The following FAR2 variants were observed in gnomAD, a reference collection of about 807,000 sequenced individuals.
FAR2 encodes fatty acyl-CoA reductase 2.
In FAR2, 19 loss-of-function variants were observed where a neutral mutation model predicts 56.0. The observed-to-expected ratio is 0.34, with a 90% CI of 0.24 to 0.50. The LOEUF (loss-of-function observed/expected upper bound fraction) is 0.50, where lower values mean the gene tolerates loss of function less well. Among genes scored for constraint, FAR2 ranks in the 20% least tolerant of loss-of-function variants. The pLI is 0.98. For missense variants in FAR2, 508 were observed against 642.2 expected, an observed-to-expected ratio of 0.79 and a Z score of 2.26; for synonymous variants, 219 against 218.8, an observed-to-expected ratio of 1.00 and a Z score of -0.01.
At chr12:29,207,535 C>T (rs928491178) in intron 1 of FAR2, among the ~76,000 whole-genome samples, 5 of 152,142 alleles carry the variant, frequency 3.3e-5, no homozygotes, top group Non-Finnish European at 5.9e-5. Flanking sequence ...TCCAGAATTA[C>T]GGATGCTTTC....
chr12:29,233,422 T>G (rs1330915423), intron 1 of FAR2, among the ~76,000 whole-genome samples: 1 of 152,026 alleles, frequency 6.6e-6, no homozygotes, highest in Admixed American at 6.6e-5. Flanking sequence ...ACCCACAATT[T>G]CCATACCATT....
At chr12:29,251,593 A>T (rs1342698546) in intron 1 of FAR2, among the ~76,000 whole-genome samples, 1 of 152,202 alleles carries the variant, frequency 6.6e-6, no homozygotes, top group African/African-American at 2.4e-5. Context: ...TCCAGAATGC[A>T]TAACTGGAAA....
chr12:29,311,133 A>G lies in FAR2; in HGVS notation c.874A>G (p.Thr292Ala). The change falls in exon 7 of 12, where the codon ACT becomes GCT. Residue 292 changes from threonine to alanine, a missense_variant. By Grantham distance (58) the Thr-to-Ala change is moderately conservative. Coordinates refer to ENST00000536681, the MANE Select transcript of FAR2 (RefSeq NM_001271783.2). ...VNLMLAVGWY[T>A]AVHRPKSTLV... ...TCTCATGCTAGCTGTAGGATGGTAT[A>G]CTGCAGTTCACAGGTGTGGATGCTC... The G allele has an allele frequency of 6.2e-7, 1 of 1,611,330 alleles. No individual in the cohort carries two copies. Among genetic ancestry groups the G allele is most frequent in the South Asian group, 1.1e-5 (1 of 91,000 alleles).
intron 4 of FAR2, chr12:29,302,192 A>G (rs1591948268): frequency 7.2e-6 from 1 of 138,990 alleles, no homozygotes; most frequent in African/African-American, 2.7e-5. Context: ...AGATTGTGCC[A>G]CTGCCCTCCA....
chr12:29,331,699 C>G (rs1331270405), intron 10 of FAR2: 7 of 152,036 alleles, frequency 4.6e-5, no homozygotes, highest in Admixed American at 2.0e-4. Context: ...CAAGAATGAC[C>G]TATCAGGTTT....
chr12:29,274,126 T>C (rs1948665872), intron 2 of FAR2, among the ~76,000 whole-genome samples: 1 of 152,050 alleles, frequency 6.6e-6, no homozygotes, highest in South Asian at 2.1e-4. Context: ...GTGTGCCATG[T>C]TGGTGTGCTG....
At chr12:29,321,643 AT>A in intron 9 of FAR2, 151 bp from the exon 10 acceptor site, 1 of 844,730 alleles carries the variant, frequency 1.2e-6, no homozygotes, top group Middle Eastern at 4.0e-4. Context: ...TAGAGAGTTA[AT>A]GTGGAAGGAG....
intron 1 of FAR2, among the ~76,000 whole-genome samples, chr12:29,262,154 A>C (rs912355600): frequency 2.0e-5 from 3 of 152,226 alleles, no homozygotes; most frequent in African/African-American, 7.2e-5. Context: ...AAAAGTTAAA[A>C]AGTGGCAAGA....
rs1011447193 is a variant in FAR2, at chr12:29,241,896, G to A, written c.-38-28516G>A. ...GTAGCACCCCCTGGGTGCGTGCATCGAAGCTGTGAACAAATCCCCCCTTTC... is the reference window on the plus strand; with the variant it reads ...GTAGCACCCCCTGGGTGCGTGCATCAAAGCTGTGAACAAATCCCCCCTTTC... On this transcript the variant is annotated intron_variant, in intron 1 of 11. Transcript: ENST00000536681. 5.3e-5 allele frequency among the ~76,000 whole-genome samples: 8 copies of A among 152,300 alleles called. No individual in the cohort carries two copies. The East Asian group carries it at 5.8e-4, about 11-fold the overall frequency.
chr12:29,323,492 C>T (rs577860190), intron 10 of FAR2, among the ~76,000 whole-genome samples: 1 of 152,296 alleles, frequency 6.6e-6, no homozygotes, highest in Non-Finnish European at 1.5e-5. Flanking sequence ...CTGGGAGGCA[C>T]CCCCCAGTAG....
intron 4 of FAR2, among the ~76,000 whole-genome samples, chr12:29,307,201 G>C (rs1274633723): frequency 2.0e-5 from 3 of 152,246 alleles, no homozygotes; most frequent in Middle Eastern, 3.4e-3. Flanking sequence ...TTATGAGCTT[G>C]CTAGAGAGGA....
At chr12:29,270,181 T>C (rs1384730478) in intron 1 of FAR2, among the ~76,000 whole-genome samples, 1 of 152,224 alleles carries the variant, frequency 6.6e-6, no homozygotes, top group East Asian at 1.9e-4. Context: ...GCAGGAATCA[T>C]GTCTTTCTCA....
At chr12:29,196,640 AG>A in intron 1 of FAR2, among the ~76,000 whole-genome samples, 2 of 152,216 alleles carry the variant, frequency 1.3e-5, no homozygotes, top group Admixed American at 1.3e-4. Context: ...CCTACATGTA[AG>A]ACATGAAACT....
chr12:29,254,701 C>T (rs1948287140), intron 1 of FAR2, among the ~76,000 whole-genome samples: 1 of 152,134 alleles, frequency 6.6e-6, no homozygotes, highest in Admixed American at 6.5e-5. Context: ...CCTGTAATCC[C>T]AGCACTTTGG....
chr12:29,229,170 G>A (rs952496423), intron 1 of FAR2, among the ~76,000 whole-genome samples: 9 of 152,116 alleles, frequency 5.9e-5, no homozygotes, highest in South Asian at 2.1e-4. Context: ...CTGAGTTATG[G>A]TCTCCTTTTA....
intron 1 of FAR2, among the ~76,000 whole-genome samples, chr12:29,214,907 A>T (rs1249397438): frequency 2.0e-5 from 3 of 152,030 alleles, no homozygotes; most frequent in Non-Finnish European, 4.4e-5. Context: ...GGAAAGAGAG[A>T]ATTAGATTAG....
chr12:29,217,048 T>C lies in FAR2; in HGVS notation c.-38-53364T>C, dbSNP rs77403717. 3.6e-3 allele frequency among the ~76,000 whole-genome samples: 552 copies of C among 152,314 alleles called. 18 individuals carry two copies. The East Asian group carries it at 0.07, about 19-fold the overall frequency. ...CACATTTAAAAAATATTTTGGCTCTTTAGTATAACTTACCCCTACCAGGCA... is the reference window on the plus strand; with the variant it reads ...CACATTTAAAAAATATTTTGGCTCTCTAGTATAACTTACCCCTACCAGGCA... On this transcript the variant is annotated intron_variant, in intron 1 of 11. Transcript: ENST00000536681.
intron 1 of FAR2, among the ~76,000 whole-genome samples, chr12:29,242,823 G>A (rs548184338): frequency 6.6e-6 from 1 of 152,340 alleles, no homozygotes; most frequent in African/African-American, 2.4e-5. Flanking sequence ...TTTGGAATGA[G>A]GGAGATCAGG....
chr12:29,207,312 A>C (rs1947487510), intron 1 of FAR2, among the ~76,000 whole-genome samples: 1 of 152,172 alleles, frequency 6.6e-6, no homozygotes. Context: ...ACATGCTAAT[A>C]CTTCACCAGT....
Sources: allele counts gnomAD v4.1 joint callset (sites outside exome capture counted in the v4.1 genomes callset), GRCh38; gene constraint gnomAD v4.1.1; transcripts MANE v1.5; gene names NCBI Gene and HGNC (gene_info 2026-07-23, HGNC 2026-07-21).